CDH12: variants seen among roughly 807,000 people sequenced by gnomAD.
CDH12 encodes the protein cadherin 12.
A neutral mutation model predicts 74.1 loss-of-function variants in CDH12; 41 were observed. That is an observed-to-expected ratio of 0.55 (90% CI 0.43 to 0.72). The LOEUF is 0.72. Among genes scored for constraint, CDH12 ranks in the 30% least tolerant of loss-of-function variants. CDH12 has a pLI of 0.00. For synonymous variants in CDH12, 399 were observed against 355.0 expected (o/e 1.12, Z -1.39); for missense variants, 945 against 977.2 (o/e 0.97, Z 0.44).
At chr5:22,566,274 G>A (rs1176067384) in intron 1 of CDH12, among the ~76,000 whole-genome samples, 1 of 141,064 alleles carries the variant, frequency 7.1e-6, no homozygotes, top group African/African-American at 2.7e-5. Flanking sequence ...GTCTCACTCT[G>A]TTGCTGAGGC....
chr5:22,512,250 G>C (rs565421151), intron 1 of CDH12, among the ~76,000 whole-genome samples: 5 of 152,264 alleles, frequency 3.3e-5, no homozygotes, highest in African/African-American at 1.2e-4. Context: ...TAAGAGTAGA[G>C]ATTCATTTTA....
chr5:22,242,678 T>G (rs1055370590), intron 3 of CDH12, among the ~76,000 whole-genome samples: 4 of 152,162 alleles, frequency 2.6e-5, no homozygotes, highest in African/African-American at 9.7e-5. Flanking sequence ...GTCTTTTTAA[T>G]TTTTCTTCTA....
chr5:22,635,152 A>G (rs1193493014), intron 1 of CDH12, among the ~76,000 whole-genome samples: 2 of 152,298 alleles, frequency 1.3e-5, no homozygotes, highest in East Asian at 3.9e-4. Context: ...ATAGACATAG[A>G]GAACAAAGGA....
chr5:22,142,167 C>A (rs1746838798), intron 4 of CDH12, among the ~76,000 whole-genome samples: 1 of 152,090 alleles, frequency 6.6e-6, no homozygotes, highest in African/African-American at 2.4e-5. Flanking sequence ...CTAGAGATGA[C>A]AGGTCTGGCA....
chr5:22,795,671 C>T (rs915592845), intron 1 of CDH12, among the ~76,000 whole-genome samples: 7 of 151,394 alleles, frequency 4.6e-5, no homozygotes, highest in African/African-American at 1.7e-4. Flanking sequence ...AATACACATA[C>T]AAGTCCAAAG....
chr5:22,015,067 T>C (rs4489027), intron 5 of CDH12, among the ~76,000 whole-genome samples: 61,102 of 151,888 alleles, frequency 0.4, 16,435 homozygotes, highest in African/African-American at 0.77. Flanking sequence ...TCTCAAAGAT[T>C]TAAAGCAGGA....
At chr5:22,510,513 A>G (rs748577615) in intron 1 of CDH12, among the ~76,000 whole-genome samples, 70 of 152,314 alleles carry the variant, frequency 4.6e-4, no homozygotes, top group Non-Finnish European at 8.1e-4. Flanking sequence ...GCAGATGCAC[A>G]AAATCAAAGT....
In CDH12 at chr5:21,994,857, TA is replaced by T. The variant is rs199927710; in HGVS notation, c.232-19473del. ...TAAAAACGGACCAATCAGCACTCTG[TA>T]AAATGGACCAATCAGCAGGATGTGG... On this transcript the variant is annotated intron_variant, in intron 5 of 14. Coordinates refer to ENST00000382254, the MANE Select transcript of CDH12 (RefSeq NM_004061.5). 7.5e-3 allele frequency among the ~76,000 whole-genome samples: 1,147 copies of T among 152,190 alleles called. 10 individuals are homozygous for T. Among genetic ancestry groups the T allele is most frequent in the African/African-American group, 0.026 (1,075 of 41,520 alleles).
intron 11 of CDH12, among the ~76,000 whole-genome samples, chr5:21,768,457 T>G (rs1299047442): frequency 6.6e-6 from 1 of 151,916 alleles, no homozygotes; most frequent in Non-Finnish European, 1.5e-5. Flanking sequence ...TACCTAAATC[T>G]GAAATGAATT....
At chr5:22,515,352 G>A (rs1736764405) in intron 1 of CDH12, among the ~76,000 whole-genome samples, 1 of 152,034 alleles carries the variant, frequency 6.6e-6, no homozygotes, top group African/African-American at 2.4e-5. Context: ...GAATAGCTAA[G>A]ACATTAATAA....
intron 1 of CDH12, among the ~76,000 whole-genome samples, chr5:22,837,706 C>T (rs1402155847): frequency 6.6e-6 from 1 of 151,930 alleles, no homozygotes; most frequent in Non-Finnish European, 1.5e-5. Flanking sequence ...TTATACTAGA[C>T]CATGAAATTA....
rs150138991 is a variant in CDH12 at position 22,605,540 on chromosome 5, C to G, written c.-522-100176G>C. Among the ~76,000 whole-genome samples the G allele has an allele frequency of 4.6e-3, 704 of 152,320 alleles. 2 individuals are homozygous for G. Among genetic ancestry groups the G allele is most frequent in the Middle Eastern group, 0.01 (3 of 294 alleles). On this transcript the variant is annotated intron_variant, in intron 1 of 14. Transcript: ENST00000382254. Reference sequence around the variant, plus strand: ...TCCCTTCCTCATTCCCACCTCCCACCTCTGAAGGTTGGGCTAATCCCAAGA... The same window carrying G: ...TCCCTTCCTCATTCCCACCTCCCACGTCTGAAGGTTGGGCTAATCCCAAGA...
rs979441110 is a variant in CDH12 at position 21,779,836 on chromosome 5, T to C, written c.1393+3522A>G. Among the ~76,000 whole-genome samples, 10 of 152,218 alleles carry C rather than the reference T, an allele frequency of 6.6e-5. No homozygotes were observed. The East Asian group carries it at 1.7e-3, about 26-fold the overall frequency. On this transcript the variant is annotated intron_variant, in intron 11 of 14. Coordinates refer to ENST00000382254, the MANE Select transcript of CDH12 (RefSeq NM_004061.5). Reference sequence around the variant, plus strand: ...GAAGACAGTCTTAGGCATTAGAATATGAATAAAGTTTACTTTTAAGCTGTG... The same window carrying C: ...GAAGACAGTCTTAGGCATTAGAATACGAATAAAGTTTACTTTTAAGCTGTG...
chr5:22,480,802 C>A (rs760562536), intron 2 of CDH12, among the ~76,000 whole-genome samples: 2 of 152,110 alleles, frequency 1.3e-5, no homozygotes, highest in Non-Finnish European at 2.9e-5. Flanking sequence ...CCCTGGGAGG[C>A]AGGGCACAGA....
chr5:22,235,866 C>T (rs10473585), intron 3 of CDH12, among the ~76,000 whole-genome samples: 140,959 of 152,254 alleles, frequency 0.93, 65,556 homozygotes, highest in Non-Finnish European at 0.97. Flanking sequence ...TCACAGTGTG[C>T]ACCACAGAAA....
At chr5:22,396,341 G>A (rs1215110486) in intron 3 of CDH12, among the ~76,000 whole-genome samples, 1 of 152,028 alleles carries the variant, frequency 6.6e-6, no homozygotes, top group African/African-American at 2.4e-5. Context: ...TACTCCTGTG[G>A]AGCAAAGGAG....
At chr5:21,916,775 A>G (rs1267444354) in intron 6 of CDH12, among the ~76,000 whole-genome samples, 6 of 152,200 alleles carry the variant, frequency 3.9e-5, no homozygotes, top group Admixed American at 2.0e-4. Context: ...ACAGAGTCCA[A>G]GGAATGCGTC....
intron 8 of CDH12, among the ~76,000 whole-genome samples, chr5:21,833,252 T>A (rs1404615350): frequency 1.7e-4 from 7 of 40,064 alleles, no homozygotes; most frequent in South Asian, 1.6e-3. Flanking sequence ...ATATTATATA[T>A]TATATAACAT....
chr5:22,021,466 G>A (rs1737968796), intron 5 of CDH12, among the ~76,000 whole-genome samples: 1 of 152,134 alleles, frequency 6.6e-6, no homozygotes, highest in Non-Finnish European at 1.5e-5. Flanking sequence ...TACTTGCAAA[G>A]GTGGAAAGGT....
Sources: gnomAD v4.1 joint callset for allele counts (sites outside exome capture counted in the v4.1 genomes callset) on GRCh38, gnomAD v4.1.1 for gene constraint, MANE v1.5 for transcripts, NCBI Gene and HGNC (gene_info 2026-07-23, HGNC 2026-07-21) for gene names.